The following GAN variants were observed in gnomAD, a reference collection of about 807,000 sequenced individuals.
GAN encodes the protein epididymis secretory sperm binding protein.
Under a neutral mutation model 71.3 loss-of-function variants are expected in GAN, and 48 were observed. That is an observed-to-expected ratio of 0.67 (90% confidence interval 0.53 to 0.86). The LOEUF (loss-of-function observed/expected upper bound fraction) is 0.86. Among genes scored for constraint, GAN ranks in the 40% least tolerant of loss-of-function variants. GAN has a pLI of 0.00. For synonymous variants in GAN, 386 were observed against 276.8 expected, an observed-to-expected ratio of 1.39 and a Z score of -3.92; for missense variants, 928 against 770.1, an observed-to-expected ratio of 1.21 and a Z score of -2.43.
At chr16:81,316,116 T>A (rs1909030181) in intron 1 of GAN, among the ~76,000 whole-genome samples, 1 of 152,208 alleles carries the variant, frequency 6.6e-6, no homozygotes, top group South Asian at 2.1e-4. Flanking sequence ...AAGACAGTGC[T>A]TATACAAGTG....
intron 6 of GAN, among the ~76,000 whole-genome samples, chr16:81,363,471 T>C (rs1910745335): frequency 1.2e-5 from 1 of 84,978 alleles, no homozygotes; most frequent in Non-Finnish European, 2.3e-5. Context: ...GCTGGAACAC[T>C]GGGAAAAAAG....
chr16:81,353,460 T>G (rs901968451), intron 2 of GAN, among the ~76,000 whole-genome samples: 8 of 152,202 alleles, frequency 5.3e-5, no homozygotes, highest in African/African-American at 1.9e-4. Context: ...AATGGAACAT[T>G]TTCCCCTACT....
At chr16:81,333,672 G>A (rs1305165638) in intron 1 of GAN, among the ~76,000 whole-genome samples, 1 of 152,186 alleles carries the variant, frequency 6.6e-6, no homozygotes, top group African/African-American at 2.4e-5. Context: ...AAGTTTGTCA[G>A]TTCCTCAAGG....
At chr16:81,359,398 C>G (rs1239935991) in intron 5 of GAN, among the ~76,000 whole-genome samples, 2 of 138,630 alleles carry the variant, frequency 1.4e-5, no homozygotes, top group African/African-American at 2.7e-5. Flanking sequence ...TTTGTCCAGG[C>G]TGCATTGTTT....
intron 5 of GAN, among the ~76,000 whole-genome samples, chr16:81,361,111 G>A (rs537166811): frequency 6.6e-6 from 1 of 152,108 alleles, no homozygotes; most frequent in Non-Finnish European, 1.5e-5. Context: ...TGTAATCCCA[G>A]ATATTCAGGA....
rs913719752 is a variant in GAN, at chr16:81,383,505, A to G, written c.*5909A>G. 1 of 150,646 alleles carries G rather than the reference A, an allele frequency of 6.6e-6. No individual in the cohort carries two copies. The highest frequency in any genetic ancestry group is 2.4e-5 in the African/African-American group (1 of 40,980). The allele number at this position is 150,646 out of a possible 1,614,324, so 9.3% of individuals were successfully genotyped here. Reference sequence around the variant, plus strand: ...CTAAACTTCGTGATCCGCCCGCCTCAGCCTCCCAAAGTGCTGGATTACAGG... The same window carrying G: ...CTAAACTTCGTGATCCGCCCGCCTCGGCCTCCCAAAGTGCTGGATTACAGG... On this transcript the variant is annotated 3_prime_UTR_variant, in exon 11 of 11. Transcript: ENST00000648994.
rs567786098 is a variant in GAN, at chr16:81,344,320, A to C, written c.168-7263A>C. Among the ~76,000 whole-genome samples, 8 of 152,348 alleles carry C rather than the reference A, an allele frequency of 5.3e-5. 1 individual carries two copies. In the East Asian group the frequency reaches 1.2e-3, roughly 22 times the overall value. On this transcript the variant is annotated intron_variant, in intron 1 of 10. Transcript: ENST00000648994. ...ATAGCCAAGAGAACCCTGGACAAGA[A>C]GAACAAAGAACAAAGTCAGGAGGCA...
Position 81,339,332 on chromosome 16 carries a change from T to TA in GAN, c.168-12250dup, listed in dbSNP as rs545598915. Reference sequence around the variant, plus strand: ...CTTAATCCTTTCAGCGTTGTACAGATACAGTTATTAAACGTTCTTCCTTGT... The same window carrying TA: ...CTTAATCCTTTCAGCGTTGTACAGATAACAGTTATTAAACGTTCTTCCTTGT... On this transcript the variant is annotated intron_variant, in intron 1 of 10. Coordinates refer to ENST00000648994, the MANE Select transcript of GAN (RefSeq NM_022041.4). Among the ~76,000 whole-genome samples the TA allele has an allele frequency of 3.0e-4, 45 of 152,364 alleles. 2 individuals are homozygous for TA. The South Asian group carries it at 7.9e-3, about 27-fold the overall frequency.
intron 1 of GAN, among the ~76,000 whole-genome samples, chr16:81,340,562 A>G (rs1370495962): frequency 6.6e-6 from 1 of 152,152 alleles, no homozygotes; most frequent in Non-Finnish European, 1.5e-5. Context: ...TTAGAAGGAA[A>G]ACTAACAAAC....
At chr16:81,370,454 A>T (rs1911003274) in intron 9 of GAN, among the ~76,000 whole-genome samples, 1 of 152,282 alleles carries the variant, frequency 6.6e-6, no homozygotes, top group Non-Finnish European at 1.5e-5. Context: ...AAAAGTGGGA[A>T]AAGAGGACTC....
In GAN at chr16:81,356,773, C is replaced by T. The variant is rs1910498855; in HGVS notation, c.634-12C>T. 1.3e-6 allele frequency: 2 copies of T among 1,575,966 alleles called. No individual in the cohort carries two copies. The highest frequency in any genetic ancestry group is 1.3e-5 in the African/African-American group (1 of 74,116). On this transcript the variant is annotated splice_polypyrimidine_tract_variant and intron_variant, in intron 3 of 10. Transcript: ENST00000648994. ...CATTGTTTTCGCCCCATCTTTCTTCCCTCTTCTGCAGGTCCACATGAAGGA... is the reference window on the plus strand; with the variant it reads ...CATTGTTTTCGCCCCATCTTTCTTCTCTCTTCTGCAGGTCCACATGAAGGA...
At position 81,361,581 on chromosome 16, in the gene GAN, T is replaced by C. The variant is rs142701206; in HGVS notation, c.974-918T>C. Among the ~76,000 whole-genome samples, 323 of 152,364 alleles carry C rather than the reference T, an allele frequency of 2.1e-3. 1 individual carries two copies. The highest frequency in any genetic ancestry group is 7.5e-3 in the African/African-American group (314 of 41,594). On this transcript the variant is annotated intron_variant, in intron 5 of 10. Transcript: ENST00000648994. The stretch of plus-strand genomic sequence containing the variant: ...GACAAAAGGTTTAAATTTTCCTAGA[T>C]TAGAAATGCCCTCAGTGTAAAATGG...
intron 1 of GAN, among the ~76,000 whole-genome samples, chr16:81,320,478 G>C (rs938316347): frequency 6.6e-6 from 1 of 152,234 alleles, no homozygotes; most frequent in Non-Finnish European, 1.5e-5. Flanking sequence ...GGTAATGAGA[G>C]TCTGGCTGTG....
chr16:81,380,949 G>A lies in GAN; in HGVS notation c.*3353G>A, dbSNP rs1289770941. 1 of 152,142 alleles carries A rather than the reference G, an allele frequency of 6.6e-6. No homozygotes were observed. The highest frequency in any genetic ancestry group is 1.5e-5 in the Non-Finnish European group (1 of 68,004). The allele number at this position is 152,142 out of a possible 1,614,324, so 9.4% of individuals were successfully genotyped here. On this transcript the variant is annotated 3_prime_UTR_variant, in exon 11 of 11. Coordinates refer to ENST00000648994, the MANE Select transcript of GAN (RefSeq NM_022041.4). ...TTCAAACTGTATAACAACCAAAAAG[G>A]AGCATTTGGGGGTATGTTGGATGGT...
rs1909285820 is a variant in GAN, at chr16:81,323,565, A to G, written c.167+8285A>G. On this transcript the variant is annotated intron_variant, in intron 1 of 10. Coordinates refer to ENST00000648994, the MANE Select transcript of GAN (RefSeq NM_022041.4). ...GCAGTTCAAGAATTAGCATTGTCTA[A>G]AGTTATTGAGATATACTGTGTATTG... Among the ~76,000 whole-genome samples, 3 of 152,220 alleles carry G rather than the reference A, an allele frequency of 2.0e-5. No homozygotes were observed. The South Asian group carries it at 6.2e-4, about 32-fold the overall frequency.
At chr16:81,335,186 G>C (rs1373053266) in intron 1 of GAN, among the ~76,000 whole-genome samples, 1 of 151,586 alleles carries the variant, frequency 6.6e-6, no homozygotes, top group Non-Finnish European at 1.5e-5. Flanking sequence ...GAGGAGGTCA[G>C]GACAAGCTGG....
At chr16:81,359,933 C>T (rs1910617002) in intron 5 of GAN, among the ~76,000 whole-genome samples, 2 of 152,148 alleles carry the variant, frequency 1.3e-5, no homozygotes, top group South Asian at 2.1e-4. Context: ...TGCAGTTGAC[C>T]ATGGGTGATA....
intron 9 of GAN, among the ~76,000 whole-genome samples, 177 bp from the exon 10 acceptor site, chr16:81,377,042 C>T (rs1006779324): frequency 2.6e-5 from 4 of 152,164 alleles, no homozygotes; most frequent in East Asian, 1.9e-4. Flanking sequence ...ACAGACAAAA[C>T]TCCTATCTGT....
In GAN at chr16:81,357,014, G is replaced by T; in HGVS notation, c.851+12G>T. 6.6e-7 allele frequency: 1 copy of T among 1,516,922 alleles called. No homozygotes were observed. The highest frequency in any genetic ancestry group is 1.7e-5 in the Admixed American group (1 of 59,916). The allele number at this position is 1,516,922 out of a possible 1,614,324, so 94.0% of individuals were successfully genotyped here. A position where few individuals can be genotyped will look rare whatever the true frequency, so the allele number is the denominator to read the frequency against. ...GGAGAAGAGAGAGTGTAAGTATGAG[G>T]TGGGACTTGTTTGAAAAGTGGTGTA... On this transcript the variant is annotated intron_variant, in intron 4 of 10. Transcript: ENST00000648994.
Sources: allele counts gnomAD v4.1 joint callset (sites outside exome capture counted in the v4.1 genomes callset), GRCh38; gene constraint gnomAD v4.1.1; transcripts MANE v1.5; gene names NCBI Gene and HGNC (gene_info 2026-07-23, HGNC 2026-07-21).